Variants in KIF5C observed in about 807,000 individuals in gnomAD.
KIF5C encodes kinesin heavy chain isoform 5C.
Under a neutral mutation model 125.2 loss-of-function variants are expected in KIF5C, and 18 were observed. The ratio of observed to expected loss-of-function variants is 0.14; its 90% CI spans 0.10 to 0.21. The LOEUF is 0.21. Ranked by LOEUF, KIF5C falls within the 10% of genes least tolerant of loss-of-function variation. KIF5C has a pLI of 1.00. For synonymous variants in KIF5C, 405 were observed against 434.0 expected (o/e 0.93, Z 0.83); for missense variants, 780 against 1,183.8 (o/e 0.66, Z 5.01).
chr2:148,936,677 GGATTTAGGTATTA>G (rs1259440531), intron 3 of KIF5C, among the ~76,000 whole-genome samples: 5 of 152,188 alleles, frequency 3.3e-5, no homozygotes, highest in African/African-American at 1.2e-4. Flanking sequence ...TCTTAAACAT[GGATTTAGGTATTA>G]GAAACAGCTA....
At chr2:148,930,768 A>G (rs1161781852) in intron 3 of KIF5C, among the ~76,000 whole-genome samples, 2 of 152,204 alleles carry the variant, frequency 1.3e-5, no homozygotes, top group African/African-American at 4.8e-5. Flanking sequence ...GATTAAAGGA[A>G]GCATGAGGTT....
chr2:148,984,837 C>G (rs768897910), intron 15 of KIF5C, among the ~76,000 whole-genome samples: 1 of 152,156 alleles, frequency 6.6e-6, no homozygotes, highest in Non-Finnish European at 1.5e-5. Flanking sequence ...GTCACCCAGG[C>G]TGGAGTGCAG....
chr2:148,885,960 C>T (rs992409932), intron 1 of KIF5C: 4 of 152,154 alleles, frequency 2.6e-5, no homozygotes, highest in South Asian at 4.1e-4. Context: ...GCCAAGCAGT[C>T]GGCTTCAATT....
At chr2:148,981,649 G>A (rs1681240677) in intron 14 of KIF5C, 88 bp downstream of exon 14, 9 of 1,466,570 alleles carry the variant, frequency 6.1e-6, no homozygotes, top group East Asian at 2.5e-5. Flanking sequence ...ATGGTATAAG[G>A]AGGCAGTGGC....
At chr2:148,973,968 C>G (rs555397993) in intron 12 of KIF5C, among the ~76,000 whole-genome samples, 1 of 152,146 alleles carries the variant, frequency 6.6e-6, no homozygotes, top group African/African-American at 2.4e-5. Flanking sequence ...GATGAGAAAT[C>G]GATAGCAGTG....
chr2:148,951,583 T>G (rs558678358), intron 10 of KIF5C, among the ~76,000 whole-genome samples: 1 of 152,180 alleles, frequency 6.6e-6, no homozygotes. Context: ...GTTCTGTGGA[T>G]TGGGCGATCT....
intron 18 of KIF5C, 45 bp downstream of exon 18, chr2:148,997,385 G>A (rs1230413085): frequency 6.2e-6 from 10 of 1,613,078 alleles, no homozygotes; most frequent in Non-Finnish European, 8.5e-6. Flanking sequence ...TGCATTTGAT[G>A]CATTTGGATT....
chr2:148,889,552 T>C (rs1681648161), intron 1 of KIF5C, among the ~76,000 whole-genome samples: 1 of 152,182 alleles, frequency 6.6e-6, no homozygotes, highest in African/African-American at 2.4e-5. Flanking sequence ...TCTTCTCACA[T>C]GCTCACAGAT....
intron 1 of KIF5C, among the ~76,000 whole-genome samples, chr2:148,902,658 C>T (rs1012775102): frequency 2.6e-5 from 4 of 152,198 alleles, no homozygotes; most frequent in African/African-American, 9.7e-5. Context: ...TCTGTTCCTT[C>T]ATATCTCTTC....
At chr2:148,995,671 T>G (rs1277433062) in intron 17 of KIF5C, among the ~76,000 whole-genome samples, 11 of 152,232 alleles carry the variant, frequency 7.2e-5, no homozygotes, top group Non-Finnish European at 2.9e-5. Flanking sequence ...AGATATTCAT[T>G]GCAGAATTTT....
chr2:148,879,731 C>T (rs1284192923), intron 1 of KIF5C: 2 of 152,226 alleles, frequency 1.3e-5, no homozygotes, highest in African/African-American at 4.8e-5. Context: ...AATGGAAGCT[C>T]TCTGACATGG....
chr2:149,020,546 C>T lies in KIF5C; in HGVS notation c.*8-2532C>T, dbSNP rs140406498. ...TATGGTCTGCTGGAGTTATTGAGGC[C>T]GCCCCATTGCATTTGTGTCTAGTGC... On this transcript the variant is annotated intron_variant, in intron 25 of 25. Coordinates refer to ENST00000435030, the MANE Select transcript of KIF5C (RefSeq NM_004522.3). 3.8e-3 allele frequency among the ~76,000 whole-genome samples: 581 copies of T among 152,208 alleles called. 1 individual carries two copies. Among genetic ancestry groups the T allele is most frequent in the Non-Finnish European group, 6.4e-3 (438 of 68,018 alleles).
chr2:149,025,807 G>A lies in KIF5C; in HGVS notation c.*2737G>A, dbSNP rs957261331. The A allele has an allele frequency of 6.6e-6, 1 of 152,586 alleles. No homozygotes were observed. The highest frequency in any genetic ancestry group is 1.5e-5 in the Non-Finnish European group (1 of 68,018). 9.5% of individuals were successfully genotyped at this position (152,586 alleles called of 1,614,324 possible). A position where few individuals can be genotyped will look rare whatever the true frequency, so the allele number is the denominator to read the frequency against. ...AATATATAATGCCAAATGTGTTTTTGTCAATTACTAGAGAATTCTGTGCAA... is the reference window on the plus strand; with the variant it reads ...AATATATAATGCCAAATGTGTTTTTATCAATTACTAGAGAATTCTGTGCAA... On this transcript the variant is annotated 3_prime_UTR_variant, in exon 26 of 26. Transcript: ENST00000435030.
At chr2:148,899,966 C>A (rs776614634) in intron 1 of KIF5C, among the ~76,000 whole-genome samples, 6 of 152,216 alleles carry the variant, frequency 3.9e-5, no homozygotes, top group Non-Finnish European at 5.9e-5. Context: ...CCACTTCATT[C>A]TGCCTAACTT....
chr2:148,935,328 T>A (rs1682269964), intron 3 of KIF5C, among the ~76,000 whole-genome samples: 2 of 152,222 alleles, frequency 1.3e-5, no homozygotes, highest in African/African-American at 4.8e-5. Flanking sequence ...GATTTTTGGA[T>A]TATCAATCGT....
intron 8 of KIF5C, 116 bp downstream of exon 8, chr2:148,947,139 C>A: frequency 1.4e-6 from 2 of 1,410,448 alleles, no homozygotes; most frequent in Non-Finnish European, 1.9e-6. Context: ...TTTAAAGTTT[C>A]TGAGGCTCTG....
At chr2:148,937,437 C>G (rs187403886) in intron 4 of KIF5C, 49 bp downstream of exon 4, 3 of 1,537,896 alleles carry the variant, frequency 2.0e-6, no homozygotes, top group South Asian at 1.2e-5. Flanking sequence ...CCCCAGATAA[C>G]GTTTCTTATA....
chr2:148,942,760 A>G lies in KIF5C; in HGVS notation c.589A>G (p.Asn197Asp). 6.2e-7 allele frequency: 1 copy of G among 1,607,972 alleles called. No individual in the cohort carries two copies. The highest frequency in any genetic ancestry group is 8.5e-7 in the Non-Finnish European group (1 of 1,177,312). The stretch of plus-strand genomic sequence containing the variant: ...AGCAAACCGACACGTGGCTGTGACA[A>G]GTAAGCATGGTGGGGGTGTTTCCTC... ...GKANRHVAVT[N>D]MNEHSSRSHS... is the part of the protein sequence containing the mutation. Residue 197 changes from asparagine to aspartate, a missense_variant and splice_region_variant, in exon 7 of 26, where the codon AAC becomes GAC. By Grantham distance (23) the Asn-to-Asp change is conservative. This residue lies in a region of KIF5C where 207 missense variants were observed against 441.2 expected (regional missense o/e 0.47). Coordinates refer to ENST00000435030, the MANE Select transcript of KIF5C (RefSeq NM_004522.3).
intron 22 of KIF5C, among the ~76,000 whole-genome samples, chr2:149,006,419 T>G (rs968638133): frequency 1.3e-5 from 2 of 151,692 alleles, no homozygotes; most frequent in Non-Finnish European, 2.9e-5. Flanking sequence ...TACATGCGGG[T>G]GGAAAGAAGT....
Sources: allele counts gnomAD v4.1 joint callset (sites outside exome capture counted in the v4.1 genomes callset), GRCh38; gene constraint gnomAD v4.1.1; regional missense constraint gnomAD v4.1.1; transcripts MANE v1.5; gene names NCBI Gene and HGNC (gene_info 2026-07-23, HGNC 2026-07-21).